The following MAN2A1 variants were observed in gnomAD, a reference collection of about 807,000 sequenced individuals.
MAN2A1 encodes the protein alpha-mannosidase 2.
MAN2A1 carries 76 observed loss-of-function variants against 142.6 expected under a neutral mutation model. The ratio of observed to expected loss-of-function variants is 0.53; its 90% CI spans 0.44 to 0.65. The LOEUF (loss-of-function observed/expected upper bound fraction) is 0.65, where lower values mean the gene tolerates loss of function less well. Among genes scored for constraint, MAN2A1 ranks in the 30% least tolerant of loss-of-function variants. The probability of loss-of-function intolerance (pLI) is 0.00; values close to 1 mark genes in which losing one functional copy is unlikely to be tolerated. For missense variants in MAN2A1, 1,311 were observed against 1,365.1 expected (o/e 0.96, Z 0.62); for synonymous variants, 559 against 473.2 (o/e 1.18, Z -2.35).
intron 19 of MAN2A1, chr5:109,853,820 A>G (rs775062813): frequency 7.2e-5 from 11 of 152,104 alleles, no homozygotes; most frequent in Non-Finnish European, 1.3e-4. Flanking sequence ...GGAGAATATT[A>G]TTTTATATGC....
chr5:109,864,389 T>G (rs11741566), intron 20 of MAN2A1: 12,497 of 152,236 alleles, frequency 0.082, 597 homozygotes, highest in African/African-American at 0.15. Flanking sequence ...TTAGCTGACT[T>G]GTCATGTTTA....
intron 13 of MAN2A1, among the ~76,000 whole-genome samples, chr5:109,818,674 C>T (rs1379570185): frequency 6.6e-6 from 1 of 152,034 alleles, no homozygotes; most frequent in Non-Finnish European, 1.5e-5. Flanking sequence ...TAGGAAATGG[C>T]ATTGTTGTAA....
intron 12 of MAN2A1, among the ~76,000 whole-genome samples, chr5:109,791,636 A>G (rs1231617367): frequency 6.6e-6 from 1 of 151,718 alleles, no homozygotes; most frequent in Non-Finnish European, 1.5e-5. Context: ...GATGGGGGAG[A>G]TATTTTTTCC....
intron 5 of MAN2A1, among the ~76,000 whole-genome samples, chr5:109,761,680 T>A (rs933932772): frequency 6.6e-6 from 1 of 152,106 alleles, no homozygotes; most frequent in African/African-American, 2.4e-5. Context: ...TTGTGATACT[T>A]AATAAAATGA....
chr5:109,770,361 G>T lies in MAN2A1; in HGVS notation c.1016G>T (p.Gly339Val). ...EFFWRQNWDL[G>V]SVTDILCHMM... Reference sequence around the variant, plus strand: ...TGTTGGCTCTTTATTTTAGATCTGGGATCTGTCACAGATATTTTATGCCAC... The same window carrying T: ...TGTTGGCTCTTTATTTTAGATCTGGTATCTGTCACAGATATTTTATGCCAC... The change falls in exon 7 of 22, where the codon GGA becomes GTA. Residue 339 changes from glycine to valine, a missense_variant. Around this residue, in one of 3 missense-constraint regions of MAN2A1, gnomAD observed 409 missense variants for 412.7 expected, o/e 0.99. Transcript: ENST00000261483. 1 of 1,611,422 alleles carries T rather than the reference G, an allele frequency of 6.2e-7. No homozygotes were observed. The highest frequency in any genetic ancestry group is 1.1e-5 in the South Asian group (1 of 90,738).
intron 16 of MAN2A1, among the ~76,000 whole-genome samples, chr5:109,825,062 G>T (rs1201855502): frequency 2.0e-5 from 3 of 152,124 alleles, no homozygotes; most frequent in Non-Finnish European, 4.4e-5. Flanking sequence ...GAAGTTATCT[G>T]TGATCACTTT....
At position 109,795,875 on chromosome 5, in the gene MAN2A1, A is replaced by G. The variant is rs529238829; in HGVS notation, c.1943+6348A>G. On this transcript the variant is annotated intron_variant, in intron 12 of 21. Coordinates refer to ENST00000261483, the MANE Select transcript of MAN2A1 (RefSeq NM_002372.4). ...TTGACCATCTTCATTTAATTGACCA[A>G]GTAGATCAACTGACACTCTTCATTC... is the stretch of plus-strand genomic sequence containing the variant. 4.6e-5 allele frequency among the ~76,000 whole-genome samples: 7 copies of G among 152,228 alleles called. No individual in the cohort carries two copies. In the East Asian group the frequency reaches 5.8e-4, roughly 13 times the overall value.
intron 17 of MAN2A1, among the ~76,000 whole-genome samples, chr5:109,845,114 A>T (rs555050442): frequency 6.6e-6 from 1 of 152,278 alleles, no homozygotes; most frequent in South Asian, 2.1e-4. Context: ...CTTCACTTTT[A>T]TATCCAACTT....
At chr5:109,748,766 T>A (rs999529944) in intron 4 of MAN2A1, among the ~76,000 whole-genome samples, 1 of 151,840 alleles carries the variant, frequency 6.6e-6, no homozygotes, top group Non-Finnish European at 1.5e-5. Context: ...TGGATTGCAA[T>A]GAGGAAGAAA....
intron 16 of MAN2A1, chr5:109,840,706 C>T (rs866259905): frequency 1.2e-5 from 5 of 426,784 alleles, no homozygotes; most frequent in Admixed American, 2.7e-5. Flanking sequence ...CCAGAAGGAC[C>T]GATCCAGTAT....
At chr5:109,798,854 T>TTTG (rs369462726) in intron 12 of MAN2A1, among the ~76,000 whole-genome samples, 1 of 151,952 alleles carries the variant, frequency 6.6e-6, no homozygotes, top group Non-Finnish European at 1.5e-5. Context: ...GCCAATTTTT[T>TTTG]TTGTTGTTGT....
intron 15 of MAN2A1, 135 bp from the exon 16 acceptor site, chr5:109,823,588 G>A (rs1295077072): frequency 5.5e-6 from 3 of 549,818 alleles, no homozygotes; most frequent in Non-Finnish European, 9.5e-6. Context: ...TTGTTACCTT[G>A]TAAGATCTGG....
intron 21 of MAN2A1, among the ~76,000 whole-genome samples, chr5:109,865,712 T>G (rs1162553478): frequency 6.6e-6 from 1 of 152,198 alleles, no homozygotes; most frequent in Admixed American, 6.5e-5. Context: ...TGCATATGAG[T>G]CAACACACCG....
At chr5:109,827,709 G>A (rs1022363607) in intron 16 of MAN2A1, among the ~76,000 whole-genome samples, 15 of 152,030 alleles carry the variant, frequency 9.9e-5, no homozygotes, top group East Asian at 1.9e-4. Context: ...TTTCATTATC[G>A]TTCAGACATC....
At chr5:109,771,947 T>A (rs1204655936) in intron 7 of MAN2A1, among the ~76,000 whole-genome samples, 1 of 152,178 alleles carries the variant, frequency 6.6e-6, no homozygotes, top group African/African-American at 2.4e-5. Flanking sequence ...AAGGCTTTTT[T>A]ATAATCCTTT....
chr5:109,813,934 C>T (rs1272155394), intron 12 of MAN2A1, among the ~76,000 whole-genome samples: 1 of 152,094 alleles, frequency 6.6e-6, no homozygotes, highest in Non-Finnish European at 1.5e-5. Context: ...ATCTTCTGCC[C>T]TCTAGTTTGA....
chr5:109,768,574 T>C lies in MAN2A1; in HGVS notation c.1009+866T>C, dbSNP rs79767579. ...AGTAAACTTTCATCTGAAAGAAATA[T>C]TTTGTTTATAAAACAGTGTTTGAGA... On this transcript the variant is annotated intron_variant, in intron 6 of 21. Coordinates refer to ENST00000261483, the MANE Select transcript of MAN2A1 (RefSeq NM_002372.4). Among the ~76,000 whole-genome samples, 826 of 152,278 alleles carry C rather than the reference T, an allele frequency of 5.4e-3. 5 individuals are homozygous for C. The highest frequency in any genetic ancestry group is 0.019 in the African/African-American group (780 of 41,560).
At chr5:109,749,314 G>C (rs775299755) in intron 4 of MAN2A1, among the ~76,000 whole-genome samples, 1 of 152,106 alleles carries the variant, frequency 6.6e-6, no homozygotes, top group Non-Finnish European at 1.5e-5. Flanking sequence ...TTTGCAGCTT[G>C]TTGTGCTTTG....
chr5:109,804,468 G>T (rs1374685244), intron 12 of MAN2A1, among the ~76,000 whole-genome samples: 1 of 152,030 alleles, frequency 6.6e-6, no homozygotes, highest in Non-Finnish European at 1.5e-5. Flanking sequence ...AATATTACAG[G>T]TAGTTGGTTG....
Sources: allele counts gnomAD v4.1 joint callset (sites outside exome capture counted in the v4.1 genomes callset), GRCh38; gene constraint gnomAD v4.1.1; regional missense constraint gnomAD v4.1.1; transcripts MANE v1.5; gene names NCBI Gene and HGNC (gene_info 2026-07-23, HGNC 2026-07-21).